The following SIPA1L1 variants were observed in gnomAD, a reference collection of about 807,000 sequenced individuals.
SIPA1L1 encodes signal induced proliferation associated 1 like 1.
A neutral mutation model predicts 162.7 loss-of-function variants in SIPA1L1; 26 were observed. The observed-to-expected ratio is 0.16, with a 90% CI of 0.12 to 0.22. The LOEUF is 0.22. Ranked by LOEUF, SIPA1L1 falls within the 10% of genes least tolerant of loss-of-function variation. The pLI is 1.00. For missense variants in SIPA1L1, 1,874 were observed against 2,241.0 expected (o/e 0.84, Z 3.31); for synonymous variants, 829 against 837.4 (o/e 0.99, Z 0.17).
rs542110397 is a variant in SIPA1L1, at chr14:71,334,346, A to G, written c.-465+13165A>G. On this transcript the variant is annotated intron_variant, in intron 2 of 23. Transcript: ENST00000381232. ...TGTCCTTTGTGGTCTCCTTTGCACT[A>G]TTTAACTCATAGGCCACATTGTATT... Among the ~76,000 whole-genome samples the G allele has an allele frequency of 5.8e-4, 88 of 152,336 alleles. 1 individual carries two copies. The highest frequency in any genetic ancestry group is 1.9e-3 in the African/African-American group (78 of 41,580).
At chr14:71,361,056 A>G (rs1374381208) in intron 2 of SIPA1L1, among the ~76,000 whole-genome samples, 1 of 152,074 alleles carries the variant, frequency 6.6e-6, no homozygotes, top group African/African-American at 2.4e-5. Flanking sequence ...ACTGGTATGG[A>G]GAAAGACAGC....
intron 8 of SIPA1L1, among the ~76,000 whole-genome samples, chr14:71,650,712 A>C (rs745595667): frequency 3.0e-4 from 45 of 152,312 alleles, no homozygotes; most frequent in Middle Eastern, 3.4e-3. Context: ...CTCTAAAAAA[A>C]TAGTGTTGTC....
At chr14:71,451,600 A>G (rs1301479934) in intron 2 of SIPA1L1, among the ~76,000 whole-genome samples, 1 of 147,738 alleles carries the variant, frequency 6.8e-6, no homozygotes, top group Non-Finnish European at 1.5e-5. Flanking sequence ...GTACCATTGC[A>G]CTCCAACCTG....
intron 7 of SIPA1L1, among the ~76,000 whole-genome samples, chr14:71,629,691 A>C (rs1003077057): frequency 6.6e-6 from 1 of 152,248 alleles, no homozygotes; most frequent in Non-Finnish European, 1.5e-5. Flanking sequence ...GACTTTGCCT[A>C]AATGAATCTT....
At chr14:71,601,482 A>G (rs1230976441) in intron 5 of SIPA1L1, among the ~76,000 whole-genome samples, 1 of 152,072 alleles carries the variant, frequency 6.6e-6, no homozygotes, top group African/African-American at 2.4e-5. Flanking sequence ...GTGTTGTTGG[A>G]TTCAGTTTGT....
rs376363052 is a variant in SIPA1L1 at position 71,723,770 on chromosome 14, C to G, written c.4332C>G (p.Ser1444=). 3.7e-6 allele frequency: 6 copies of G among 1,614,126 alleles called. No individual in the cohort carries two copies. Among genetic ancestry groups the G allele is most frequent in the African/African-American group, 2.7e-5 (2 of 74,940 alleles). ...QLAPSFSSSS[S]SSSGPRSFYP... is the part of the protein sequence containing the mutation. ...CACCATCCTTCTCCTCCTCTTCCTC[C>G]TCCTCCTCTGGTCCTAGGAGTTTTT... is the stretch of plus-strand genomic sequence containing the variant. Residue 1444 remains serine, a synonymous_variant, in exon 18 of 24, where the codon TCC becomes TCG. Transcript: ENST00000381232.
At chr14:71,550,762 C>T (rs1413687162) in intron 4 of SIPA1L1, among the ~76,000 whole-genome samples, 1 of 152,064 alleles carries the variant, frequency 6.6e-6, no homozygotes, top group East Asian at 1.9e-4. Context: ...ATAGACATCA[C>T]TAATTTAACA....
intron 2 of SIPA1L1, among the ~76,000 whole-genome samples, chr14:71,382,591 T>C (rs35051046): frequency 0.16 from 24,860 of 152,204 alleles, 2,640 homozygotes; most frequent in Middle Eastern, 0.34. Context: ...TTCTTGACTT[T>C]TCTGTAGGAG....
chr14:71,502,242 G>GA (rs139102210), intron 2 of SIPA1L1, among the ~76,000 whole-genome samples: 25,382 of 108,090 alleles, frequency 0.23, 3,863 homozygotes, highest in Non-Finnish European at 0.31. Context: ...TGAGATACTT[G>GA]AAAAAAAAAA....
At chr14:71,557,146 T>C (rs1416943498) in intron 4 of SIPA1L1, among the ~76,000 whole-genome samples, 1 of 152,236 alleles carries the variant, frequency 6.6e-6, no homozygotes, top group Non-Finnish European at 1.5e-5. Flanking sequence ...TTTGGAATCT[T>C]AGTATTTTAT....
chr14:71,568,469 C>G (rs1369097491), intron 4 of SIPA1L1, among the ~76,000 whole-genome samples: 2 of 152,082 alleles, frequency 1.3e-5, no homozygotes, highest in African/African-American at 4.8e-5. Flanking sequence ...CAGAGTTGAC[C>G]AATTGGTGTT....
At chr14:71,434,105 T>C (rs550293055) in intron 2 of SIPA1L1, among the ~76,000 whole-genome samples, 21 of 152,330 alleles carry the variant, frequency 1.4e-4, no homozygotes, top group African/African-American at 5.1e-4. Flanking sequence ...TAATTAAAAA[T>C]TGGATCACTG....
chr14:71,578,633 A>T (rs1464178799), intron 4 of SIPA1L1, among the ~76,000 whole-genome samples: 1 of 152,250 alleles, frequency 6.6e-6, no homozygotes, highest in East Asian at 1.9e-4. Context: ...AAACTAATGA[A>T]GAGAAAATGT....
At chr14:71,489,767 A>G (rs1008209470) in intron 2 of SIPA1L1, among the ~76,000 whole-genome samples, 22 of 152,108 alleles carry the variant, frequency 1.4e-4, no homozygotes, top group African/African-American at 5.1e-4. Context: ...AAAGTTTATG[A>G]ATTTGTGTTG....
chr14:71,562,371 G>T (rs1403016774), intron 4 of SIPA1L1, among the ~76,000 whole-genome samples: 1 of 152,036 alleles, frequency 6.6e-6, no homozygotes, highest in African/African-American at 2.4e-5. Context: ...GAAACTTCAT[G>T]TAGAATTTTA....
At chr14:71,596,120 G>A (rs753942337) in intron 5 of SIPA1L1, among the ~76,000 whole-genome samples, 1 of 152,162 alleles carries the variant, frequency 6.6e-6, no homozygotes, top group South Asian at 2.1e-4. Flanking sequence ...AGATAATTTC[G>A]CAGAGAAAGG....
chr14:71,706,913 G>A (rs528156934), intron 16 of SIPA1L1, among the ~76,000 whole-genome samples: 52 of 151,782 alleles, frequency 3.4e-4, no homozygotes, highest in Non-Finnish European at 6.8e-4. Context: ...CACACCTGTA[G>A]TCCCAGCTAC....
At chr14:71,664,146 A>T (rs2043791006) in intron 10 of SIPA1L1, among the ~76,000 whole-genome samples, 1 of 152,134 alleles carries the variant, frequency 6.6e-6, no homozygotes, top group African/African-American at 2.4e-5. Context: ...CATGAAAATA[A>T]ATGTATTATG....
At chr14:71,612,696 T>A (rs993058486) in intron 5 of SIPA1L1, among the ~76,000 whole-genome samples, 1 of 152,158 alleles carries the variant, frequency 6.6e-6, no homozygotes, top group African/African-American at 2.4e-5. Flanking sequence ...TCCTTTCCCC[T>A]TCACAAGTAA....
Sources: allele counts gnomAD v4.1 joint callset (sites outside exome capture counted in the v4.1 genomes callset), GRCh38; gene constraint gnomAD v4.1.1; transcripts MANE v1.5; gene names NCBI Gene and HGNC (gene_info 2026-07-23, HGNC 2026-07-21).